Variants in RIMS2 observed in about 807,000 individuals in gnomAD.
RIMS2 encodes the protein regulating synaptic membrane exocytosis 2, also known as regulating synaptic membrane exocytosis protein 2.
Under a neutral mutation model 174.4 loss-of-function variants are expected in RIMS2, and 59 were observed. The ratio of observed to expected loss-of-function variants is 0.34; its 90% CI spans 0.27 to 0.42. The LOEUF (loss-of-function observed/expected upper bound fraction) is 0.42, where lower values mean the gene tolerates loss of function less well. RIMS2 is among the 10% of genes least tolerant of loss of function. The probability of loss-of-function intolerance (pLI) is 1.00; values close to 1 mark genes in which losing one functional copy is unlikely to be tolerated. For missense variants in RIMS2, 1,620 were observed against 1,666.3 expected (o/e 0.97, Z 0.48); for synonymous variants, 606 against 572.5 (o/e 1.06, Z -0.84).
intron 19 of RIMS2, among the ~76,000 whole-genome samples, chr8:104,193,297 A>C (rs966464050): frequency 6.6e-6 from 1 of 151,948 alleles, no homozygotes. Flanking sequence ...TTTTATTCCT[A>C]TATTTCTAAT....
intron 19 of RIMS2, among the ~76,000 whole-genome samples, chr8:104,096,875 C>CAAAAAAA (rs34215707): frequency 7.6e-6 from 1 of 131,136 alleles, no homozygotes. Context: ...CGCCCCCCAC[C>CAAAAAAA]AAAAAAAAAA....
chr8:103,909,392 C>A (rs1365975969), intron 4 of RIMS2, among the ~76,000 whole-genome samples: 1 of 151,804 alleles, frequency 6.6e-6, no homozygotes, highest in Non-Finnish European at 1.5e-5. Flanking sequence ...TTCTTAGTTG[C>A]CAATTACATA....
At chr8:103,567,972 A>G (rs1030830200) in intron 1 of RIMS2, among the ~76,000 whole-genome samples, 1 of 152,168 alleles carries the variant, frequency 6.6e-6, no homozygotes, top group Non-Finnish European at 1.5e-5. Context: ...GAAGAAATAT[A>G]TATTCAAATC....
intron 3 of RIMS2, among the ~76,000 whole-genome samples, chr8:103,794,933 C>T (rs955724358): frequency 6.6e-6 from 1 of 152,158 alleles, no homozygotes; most frequent in Non-Finnish European, 1.5e-5. Context: ...AGTCAGGAAA[C>T]AACGGGTGAT....
chr8:103,665,179 G>A (rs547182162), intron 1 of RIMS2, among the ~76,000 whole-genome samples: 5 of 152,310 alleles, frequency 3.3e-5, no homozygotes, highest in Admixed American at 3.3e-4. Flanking sequence ...TAAAGTAAAT[G>A]ACAAGTTGAT....
chr8:103,823,410 A>G (rs2098766149), intron 3 of RIMS2, among the ~76,000 whole-genome samples: 1 of 151,888 alleles, frequency 6.6e-6, no homozygotes, highest in South Asian at 2.1e-4. Flanking sequence ...TCATCCAGTG[A>G]TTATTATTAG....
intron 3 of RIMS2, among the ~76,000 whole-genome samples, chr8:103,812,334 T>A (rs1373156944): frequency 3.5e-5 from 5 of 142,648 alleles, no homozygotes; most frequent in African/African-American, 1.3e-4. Context: ...TTACCTTGTT[T>A]TTTTTTTTTT....
intron 19 of RIMS2, among the ~76,000 whole-genome samples, chr8:104,210,206 T>G (rs562045748): frequency 6.6e-6 from 1 of 152,284 alleles, no homozygotes; most frequent in East Asian, 1.9e-4. Context: ...TTTTAAATAT[T>G]TTAAGGCTCC....
intron 19 of RIMS2, among the ~76,000 whole-genome samples, chr8:104,149,731 T>C (rs1403424150): frequency 2.0e-5 from 3 of 152,180 alleles, no homozygotes. Flanking sequence ...CTCTTGTACA[T>C]AGAAGTCAGA....
intron 15 of RIMS2, among the ~76,000 whole-genome samples, chr8:103,965,921 A>G (rs1417623172): frequency 6.6e-6 from 1 of 151,860 alleles, no homozygotes; most frequent in East Asian, 1.9e-4. Flanking sequence ...TTTTTTTTAT[A>G]GCCTGTTGAT....
chr8:103,911,981 T>A (rs1028033923), intron 5 of RIMS2, 72 bp from the exon 9 acceptor site: 2 of 1,211,602 alleles, frequency 1.7e-6, no homozygotes, highest in Non-Finnish European at 2.3e-6. Context: ...AGATCATTTG[T>A]CATAAAACGA....
chr8:103,767,166 T>C (rs185243921), intron 3 of RIMS2, among the ~76,000 whole-genome samples: 2 of 149,340 alleles, frequency 1.3e-5, no homozygotes, highest in East Asian at 4.0e-4. Context: ...GAATAAAGGA[T>C]TTTGATGGGA....
At chr8:104,006,262 C>A (rs78698964) in intron 17 of RIMS2, among the ~76,000 whole-genome samples, 5,867 of 151,984 alleles carry the variant, frequency 0.039, 352 homozygotes, top group African/African-American at 0.13. Context: ...CTTAATAATA[C>A]CTTCTGGCTG....
exon 3 of RIMS2, chr8:103,766,467 A>T: frequency 6.2e-7 from 1 of 1,613,908 alleles, no homozygotes; most frequent in South Asian, 1.1e-5. Flanking sequence ...TCATGGGCTC[A>T]CAAGACAGCA....
At chr8:103,666,405 G>C (rs926014047) in intron 1 of RIMS2, among the ~76,000 whole-genome samples, 1 of 152,058 alleles carries the variant, frequency 6.6e-6, no homozygotes, top group African/African-American at 2.4e-5. Flanking sequence ...CAACCGGAGA[G>C]GTTGACCAAA....
At chr8:103,765,154 T>C (rs2098155475) in intron 2 of RIMS2, among the ~76,000 whole-genome samples, 1 of 152,180 alleles carries the variant, frequency 6.6e-6, no homozygotes, top group African/African-American at 2.4e-5. Flanking sequence ...AGAGTAAGTA[T>C]TTGACATAAA....
At chr8:103,690,457 CTGTTG>C (rs2097007189) in intron 1 of RIMS2, among the ~76,000 whole-genome samples, 1 of 152,028 alleles carries the variant, frequency 6.6e-6, no homozygotes, top group Non-Finnish European at 1.5e-5. Flanking sequence ...TTTTGTGTAT[CTGTTG>C]TATGTTTTTT....
intron 1 of RIMS2, among the ~76,000 whole-genome samples, chr8:103,562,477 T>C (rs1320215902): frequency 4.6e-5 from 7 of 152,170 alleles, no homozygotes; most frequent in Admixed American, 3.9e-4. Flanking sequence ...ATGTCTCACA[T>C]CTAGGTCATG....
chr8:103,788,765 C>T (rs1232667478), intron 3 of RIMS2, among the ~76,000 whole-genome samples: 1 of 152,186 alleles, frequency 6.6e-6, no homozygotes, highest in Non-Finnish European at 1.5e-5. Flanking sequence ...CCTACAGAGG[C>T]AGGCAGGCCT....
Sources: gnomAD v4.1 joint callset for allele counts (sites outside exome capture counted in the v4.1 genomes callset) on GRCh38, gnomAD v4.1.1 for gene constraint, MANE v1.5 for transcripts, NCBI Gene and HGNC (gene_info 2026-07-23, HGNC 2026-07-21) for gene names.